TNRC6A: variants seen among roughly 807,000 people sequenced by gnomAD.
TNRC6A encodes trinucleotide repeat-containing gene 6A protein.
Under a neutral mutation model 221.2 loss-of-function variants are expected in TNRC6A, and 44 were observed. The observed-to-expected ratio is 0.20, with a 90% CI of 0.16 to 0.26. The LOEUF is 0.26. Ranked by LOEUF, TNRC6A falls within the 10% of genes least tolerant of loss-of-function variation. The pLI is 1.00. For missense variants in TNRC6A, 2,199 were observed against 2,404.4 expected (o/e 0.91, Z 1.79); for synonymous variants, 847 against 838.5 (o/e 1.01, Z -0.18).
chr16:24,744,798 T>C (rs1243808887), intron 2 of TNRC6A, among the ~76,000 whole-genome samples: 2 of 152,216 alleles, frequency 1.3e-5, no homozygotes, highest in Non-Finnish European at 2.9e-5. Flanking sequence ...GTCACAAATA[T>C]ATATTTTTTA....
chr16:24,738,998 G>A (rs1266278911), intron 2 of TNRC6A, among the ~76,000 whole-genome samples: 1 of 152,122 alleles, frequency 6.6e-6, no homozygotes, highest in Non-Finnish European at 1.5e-5. Flanking sequence ...GGGACTGCAG[G>A]TGCATGCCAC....
chr16:24,645,861 A>AAAAAAAAAAAAAAAAAAAAAC (rs1223630058), intron 2 of TNRC6A, among the ~76,000 whole-genome samples: 1 of 144,206 alleles, frequency 6.9e-6, no homozygotes, highest in African/African-American at 2.6e-5. Flanking sequence ...AAAAAAAAAA[A>AAAAAAAAAAAAAAAAAAAAAC]AAAAAATTAG....
chr16:24,660,745 T>C (rs566369848), intron 2 of TNRC6A, among the ~76,000 whole-genome samples: 26 of 135,094 alleles, frequency 1.9e-4, no homozygotes, highest in Non-Finnish European at 2.7e-4. Flanking sequence ...TTTTCTTTTT[T>C]TTTTTTTTTT....
intron 2 of TNRC6A, among the ~76,000 whole-genome samples, chr16:24,724,415 C>T (rs200538): frequency 0.67 from 102,471 of 152,040 alleles, 34,905 homozygotes; most frequent in Non-Finnish European, 0.72. Flanking sequence ...GCCTGACTGG[C>T]ACATATTAAC....
intron 2 of TNRC6A, among the ~76,000 whole-genome samples, chr16:24,670,436 C>T (rs914144503): frequency 2.0e-5 from 3 of 152,130 alleles, no homozygotes; most frequent in African/African-American, 7.2e-5. Flanking sequence ...AGATGCAATG[C>T]GTTGCACCTT....
At chr16:24,765,349 G>A (rs1431079138) in intron 4 of TNRC6A, among the ~76,000 whole-genome samples, 5 of 152,110 alleles carry the variant, frequency 3.3e-5, no homozygotes, top group African/African-American at 1.2e-4. Flanking sequence ...AAACAGAAAA[G>A]GCCACTCACA....
chr16:24,644,972 G>C (rs112134778), intron 2 of TNRC6A, among the ~76,000 whole-genome samples: 1,681 of 152,160 alleles, frequency 0.011, 12 homozygotes, highest in Middle Eastern at 0.02. Context: ...CTAAATCTTT[G>C]ACATCCAGGG....
intron 3 of TNRC6A, among the ~76,000 whole-genome samples, chr16:24,752,020 G>T (rs376396129): frequency 4.6e-5 from 7 of 152,274 alleles, no homozygotes; most frequent in African/African-American, 1.4e-4. Flanking sequence ...GGAACCAAGG[G>T]TAGAACTCTG....
intron 4 of TNRC6A, among the ~76,000 whole-genome samples, chr16:24,766,804 G>A (rs148762511): frequency 2.6e-5 from 4 of 151,306 alleles, no homozygotes. Flanking sequence ...AGCCTCCTGA[G>A]TAGCTGGGAT....
rs35193077 is a variant in TNRC6A at position 24,768,432 on chromosome 16, CAAAAAAAAA to C, written c.164-8488_164-8480del. Among the ~76,000 whole-genome samples, 15 of 89,144 alleles carry C rather than the reference CAAAAAAAAA, an allele frequency of 1.7e-4. No homozygotes were observed. The East Asian group carries it at 4.4e-3, about 26-fold the overall frequency. 58.5% of individuals were successfully genotyped at this position (89,144 alleles called of 152,430 possible). ...TGGGGGACAGAGCGAGACTCTGTCT[CAAAAAAAAA>C]AAAAAAAAAAAATCTTAATTGCAAT... On this transcript the variant is annotated intron_variant, in intron 4 of 24. Transcript: ENST00000395799.
chr16:24,784,499 T>A (rs768237155), intron 5 of TNRC6A, among the ~76,000 whole-genome samples: 82 of 152,278 alleles, frequency 5.4e-4, no homozygotes, highest in Non-Finnish European at 1.1e-3. Context: ...GATTTTTTTA[T>A]TTTTTGTAGA....
chr16:24,713,110 G>GTA (rs1444756449), intron 2 of TNRC6A, among the ~76,000 whole-genome samples: 6 of 152,118 alleles, frequency 3.9e-5, no homozygotes, highest in Admixed American at 2.6e-4. Context: ...AATTTTGAAA[G>GTA]TACTTTTGCA....
At chr16:24,764,849 A>G (rs1385384952) in intron 4 of TNRC6A, among the ~76,000 whole-genome samples, 1 of 152,198 alleles carries the variant, frequency 6.6e-6, no homozygotes, top group Non-Finnish European at 1.5e-5. Flanking sequence ...TATTAATAAT[A>G]TGCTTTTTCC....
intron 4 of TNRC6A, among the ~76,000 whole-genome samples, chr16:24,771,592 A>ATGT (rs746982922): frequency 1.6e-4 from 24 of 148,766 alleles, no homozygotes; most frequent in East Asian, 7.9e-4. Flanking sequence ...TTGTTATGTT[A>ATGT]TGTTATGTTA....
chr16:24,806,099 T>C (rs1347512733), intron 15 of TNRC6A, 107 bp from the exon 16 acceptor site: 2 of 1,214,420 alleles, frequency 1.6e-6, no homozygotes, highest in Non-Finnish European at 2.3e-6. Flanking sequence ...ATGTTGGCAT[T>C]GGCTAGATCA....
chr16:24,761,374 T>A (rs1002021998), intron 4 of TNRC6A, among the ~76,000 whole-genome samples: 2 of 152,014 alleles, frequency 1.3e-5, no homozygotes, highest in Admixed American at 1.3e-4. Flanking sequence ...AGCAGGAGAG[T>A]GAAGTGCTAA....
At chr16:24,710,300 A>G (rs1335999428) in intron 2 of TNRC6A, among the ~76,000 whole-genome samples, 1 of 152,024 alleles carries the variant, frequency 6.6e-6, no homozygotes, top group Non-Finnish European at 1.5e-5. Context: ...TTTTTCCTCA[A>G]CAAAATAAGA....
chr16:24,770,671 CCTT>C (rs2057571851), intron 4 of TNRC6A, among the ~76,000 whole-genome samples: 1 of 152,182 alleles, frequency 6.6e-6, no homozygotes. Context: ...TTACTTCCCT[CCTT>C]CTATCTGCTG....
chr16:24,722,441 ATT>A (rs960544841), intron 2 of TNRC6A, among the ~76,000 whole-genome samples: 5 of 150,014 alleles, frequency 3.3e-5, no homozygotes, highest in Non-Finnish European at 5.9e-5. Context: ...TTATTTATTT[ATT>A]TATTTATTTT....
Sources: allele counts gnomAD v4.1 joint callset (sites outside exome capture counted in the v4.1 genomes callset), GRCh38; gene constraint gnomAD v4.1.1; transcripts MANE v1.5; gene names NCBI Gene and HGNC (gene_info 2026-07-23, HGNC 2026-07-21).